APTX: variants seen among roughly 807,000 people sequenced by gnomAD.
APTX encodes aprataxin.
APTX carries 33 observed loss-of-function variants against 42.3 expected under a neutral mutation model. The ratio of observed to expected loss-of-function variants is 0.78; its 90% CI spans 0.59 to 1.04. APTX has a LOEUF of 1.04. Among genes scored for constraint, APTX ranks in the 50% least tolerant of loss-of-function variants. APTX has a pLI of 0.00. For synonymous variants in APTX, 130 were observed against 146.7 expected, an observed-to-expected ratio of 0.89 and a Z score of 0.82; for missense variants, 421 against 415.1, an observed-to-expected ratio of 1.01 and a Z score of -0.12.
At chr9:32,979,783 C>T (rs1408656702) in intron 6 of APTX, 1 of 166,342 alleles carries the variant, frequency 6.0e-6, no homozygotes, top group East Asian at 1.9e-4. Flanking sequence ...AATATTCTCA[C>T]ATGGTACATT....
intron 5 of APTX, 112 bp from the exon 6 acceptor site, chr9:32,984,969 T>A (rs1831584557): frequency 1.0e-6 from 1 of 978,816 alleles, no homozygotes; most frequent in South Asian, 1.4e-5. Flanking sequence ...CAAATGGTTT[T>A]AATAGCCCAG....
At chr9:33,000,838 T>A (rs1196385069) in intron 1 of APTX, among the ~76,000 whole-genome samples, 1 of 129,436 alleles carries the variant, frequency 7.7e-6, no homozygotes, top group Non-Finnish European at 1.7e-5. Flanking sequence ...AGGCTTTTTT[T>A]TTTTTTCTTT....
intron 1 of APTX, among the ~76,000 whole-genome samples, chr9:32,990,493 G>A (rs553464919): frequency 6.6e-6 from 1 of 152,300 alleles, no homozygotes; most frequent in East Asian, 1.9e-4. Context: ...GTATTGATAT[G>A]TGCTGGACAT....
chr9:32,989,994 G>A (rs1301133468), intron 1 of APTX, 99 bp from the exon 2 acceptor site: 1 of 1,481,888 alleles, frequency 6.7e-7, no homozygotes, highest in East Asian at 2.5e-5. Flanking sequence ...TCTACCAGCT[G>A]TTCATCTTGA....
chr9:33,002,494 T>G (rs1004062942), upstream of APTX, among the ~76,000 whole-genome samples: 5 of 152,206 alleles, frequency 3.3e-5, no homozygotes, highest in African/African-American at 1.2e-4. Flanking sequence ...AGATGATGTC[T>G]GATTACCTTG....
chr9:33,022,443 A>G (rs561801324), intron 1 of APTX, among the ~76,000 whole-genome samples: 2 of 152,392 alleles, frequency 1.3e-5, no homozygotes, highest in South Asian at 4.1e-4. Flanking sequence ...TGCTGGAAGC[A>G]GTTACAAACC....
intron 1 of APTX, among the ~76,000 whole-genome samples, chr9:33,000,845 C>CTTTTTTTT (rs74178838): frequency 1.0e-5 from 1 of 98,804 alleles, no homozygotes; most frequent in Non-Finnish European, 2.0e-5. Flanking sequence ...TTTTTTTTTT[C>CTTTTTTTT]TTTTTTTTTT....
At chr9:32,982,168 C>T (rs140478891) in intron 6 of APTX, among the ~76,000 whole-genome samples, 6 of 152,132 alleles carry the variant, frequency 3.9e-5, no homozygotes, top group Admixed American at 2.0e-4. Context: ...AAATGCATAA[C>T]GTCAACCTAA....
chr9:33,023,805 T>C (rs1005378465), intron 1 of APTX, among the ~76,000 whole-genome samples: 2 of 152,204 alleles, frequency 1.3e-5, no homozygotes. Flanking sequence ...CTTCCAAGGA[T>C]AAAGTTCAAA....
chr9:32,987,346 T>C (rs771383646), intron 4 of APTX, among the ~76,000 whole-genome samples, 198 bp downstream of exon 4: 1 of 152,252 alleles, frequency 6.6e-6, no homozygotes, highest in Non-Finnish European at 1.5e-5. Flanking sequence ...TACCTTCAGG[T>C]GGCTTACCTC....
chr9:32,980,542 CA>C (rs1563954360), intron 6 of APTX: 1 of 152,314 alleles, frequency 6.6e-6, no homozygotes, highest in Non-Finnish European at 1.5e-5. Flanking sequence ...ACCAAGCCCA[CA>C]GGGGCAACCT....
At chr9:33,015,358 A>G (rs1837822559) in intron 1 of APTX, among the ~76,000 whole-genome samples, 1 of 151,852 alleles carries the variant, frequency 6.6e-6, no homozygotes, top group Non-Finnish European at 1.5e-5. Context: ...CCTGAGTTGT[A>G]TTTTTTCTTT....
At chr9:33,006,546 T>C (rs1414297128), upstream of APTX, among the ~76,000 whole-genome samples, 2 of 152,182 alleles carry the variant, frequency 1.3e-5, no homozygotes, top group Non-Finnish European at 2.9e-5. Context: ...CCAGAGGCTG[T>C]GGTTGCCTGG....
chr9:32,973,486 G>A lies in APTX; in HGVS notation c.*12C>T. The A allele has an allele frequency of 6.2e-7, 1 of 1,613,914 alleles. No individual in the cohort carries two copies. The highest frequency in any genetic ancestry group is 8.5e-7 in the Non-Finnish European group (1 of 1,180,018). ...TGGGCCACACCACAGCAGCAGCTCA[G>A]GCTCTGCAGAATCACTGTGTCCAGT... On this transcript the variant is annotated 3_prime_UTR_variant, in exon 8 of 8. Coordinates refer to ENST00000379817, the MANE Select transcript of APTX (RefSeq NM_001195248.2).
upstream of APTX, chr9:33,001,667 G>C (rs79649832): frequency 6.3e-7 from 1 of 1,599,468 alleles, no homozygotes; most frequent in Admixed American, 1.7e-5. Flanking sequence ...CGCGACCAGT[G>C]ACGTCACCAG....
chr9:32,988,472 C>T (rs752321505), intron 2 of APTX, among the ~76,000 whole-genome samples: 1 of 151,928 alleles, frequency 6.6e-6, no homozygotes, highest in Non-Finnish European at 1.5e-5. Flanking sequence ...AAAAGAAGAC[C>T]TGTTTCTCCC....
chr9:33,023,945 T>C (rs1213238879), intron 1 of APTX, among the ~76,000 whole-genome samples: 1 of 152,222 alleles, frequency 6.6e-6, no homozygotes, highest in African/African-American at 2.4e-5. Context: ...AAAAACATCA[T>C]ATTCTTCCAC....
At chr9:33,022,980 G>A (rs141125985) in intron 1 of APTX, among the ~76,000 whole-genome samples, 8 of 152,136 alleles carry the variant, frequency 5.3e-5, no homozygotes, top group Non-Finnish European at 7.4e-5. Context: ...GGGAGTACAG[G>A]CCCACACCAC....
intron 1 of APTX, among the ~76,000 whole-genome samples, chr9:33,014,656 C>G (rs1837771266): frequency 6.6e-6 from 1 of 152,230 alleles, no homozygotes; most frequent in Non-Finnish European, 1.5e-5. Context: ...TCAACAAACA[C>G]TTCTTGACAC....
Sources: allele counts gnomAD v4.1 joint callset (sites outside exome capture counted in the v4.1 genomes callset), GRCh38; gene constraint gnomAD v4.1.1; transcripts MANE v1.5; gene names NCBI Gene and HGNC (gene_info 2026-07-23, HGNC 2026-07-21).